Variants in BTBD1 observed in about 807,000 individuals in gnomAD.
BTBD1 encodes BTB/POZ domain-containing protein 1.
BTBD1 carries 34 observed loss-of-function variants against 48.0 expected under a neutral mutation model. The observed-to-expected ratio is 0.71, with a 90% CI of 0.54 to 0.94. The LOEUF is 0.94. Ranked by LOEUF, BTBD1 falls within the 40% of genes least tolerant of loss-of-function variation. The pLI is 0.00. For synonymous variants in BTBD1, 261 were observed against 242.1 expected, an observed-to-expected ratio of 1.08 and a Z score of -0.72; for missense variants, 543 against 625.6, an observed-to-expected ratio of 0.87 and a Z score of 1.41.
At position 83,020,711 on chromosome 15, in the gene BTBD1, A is replaced by G. The variant is rs2032277553; in HGVS notation, c.1107T>C (p.Ser369=). 1.2e-6 allele frequency: 2 copies of G among 1,608,772 alleles called. No individual in the cohort carries two copies. The highest frequency in any genetic ancestry group is 1.7e-5 in the Admixed American group (1 of 59,924). Reference sequence around the variant, plus strand: ...CTTGATAATCTGTAGGGCCATGAATAGATCCATACAAGCCAAATCCAACTA... The same window carrying G: ...CTTGATAATCTGTAGGGCCATGAATGGATCCATACAAGCCAAATCCAACTA... ...ISIVGFGLYG[S]IHGPTDYQVN... The change falls in exon 6 of 8, where the codon TCT becomes TCC. Residue 369 remains serine, a synonymous_variant. Coordinates refer to ENST00000261721, the MANE Select transcript of BTBD1 (RefSeq NM_025238.4).
At position 83,018,803 on chromosome 15, in the gene BTBD1, A is replaced by C. The variant is rs1379986628; in HGVS notation, c.1194T>G (p.Phe398Leu). 6.2e-7 allele frequency: 1 copy of C among 1,614,080 alleles called. No individual in the cohort carries two copies. The highest frequency in any genetic ancestry group is 1.6e-4 in the Middle Eastern group (1 of 6,062). ...ATGTGTTAGCTGTCCCATCACAACTAAAGCCGGTATCATTCTGTCCCAGGG... is the reference window on the plus strand; with the variant it reads ...ATGTGTTAGCTGTCCCATCACAACTCAAGCCGGTATCATTCTGTCCCAGGG... ...KQTLGQNDTG[F>L]SCDGTANTFR... Residue 398 changes from phenylalanine (F) to leucine (L), a missense_variant, in exon 7 of 8, where the codon TTT becomes TTG. Physicochemically the swap from Phe to Leu is conservative, Grantham distance 22 (BLOSUM62 0). This residue lies in a region of BTBD1 where 300 missense variants were observed against 350.0 expected (regional missense o/e 0.86). Transcript: ENST00000261721.
At chr15:83,032,969 C>CAAAAAAAAAAAAAAAAAAAAAAAAAAA (rs56152195) in intron 4 of BTBD1, among the ~76,000 whole-genome samples, 7 of 86,996 alleles carry the variant, frequency 8.0e-5, no homozygotes, top group African/African-American at 3.5e-4. Flanking sequence ...TACTCTGTCT[C>CAAAAAAAAAAAAAAAAAAAAAAAAAAA]AAAAAAAAAA....
intron 5 of BTBD1, 67 bp downstream of exon 5, chr15:83,030,069 A>G: frequency 7.5e-7 from 1 of 1,334,146 alleles, no homozygotes; most frequent in Non-Finnish European, 1.1e-6. Flanking sequence ...CTCCCATAAT[A>G]TATAAAAAAG....
intron 5 of BTBD1, among the ~76,000 whole-genome samples, chr15:83,023,931 G>A (rs2032351647): frequency 6.6e-6 from 1 of 151,970 alleles, no homozygotes; most frequent in African/African-American, 2.4e-5. Flanking sequence ...GCAATGGCAC[G>A]ATCTCGGCTC....
intron 5 of BTBD1, among the ~76,000 whole-genome samples, chr15:83,022,837 C>T (rs996561541): frequency 2.8e-5 from 4 of 145,022 alleles, no homozygotes; most frequent in African/African-American, 9.8e-5. Context: ...TGGTGTGCAC[C>T]GTAGTCCCAG....
At chr15:83,022,899 G>T (rs1187379665) in intron 5 of BTBD1, among the ~76,000 whole-genome samples, 1 of 151,932 alleles carries the variant, frequency 6.6e-6, no homozygotes, top group African/African-American at 2.4e-5. Context: ...GGCAGAGATT[G>T]CAGTGAGCCA....
intron 1 of BTBD1, among the ~76,000 whole-genome samples, chr15:83,066,117 C>A (rs2033264227): frequency 6.6e-6 from 1 of 152,070 alleles, no homozygotes; most frequent in Non-Finnish European, 1.5e-5. Flanking sequence ...CATAGTGAAA[C>A]CCTCTCTCTA....
intron 4 of BTBD1, among the ~76,000 whole-genome samples, chr15:83,038,957 T>C (rs2032684148): frequency 6.6e-6 from 1 of 152,176 alleles, no homozygotes; most frequent in South Asian, 2.1e-4. Flanking sequence ...AATACTTTTC[T>C]GGACACTGGC....
chr15:83,056,012 C>T (rs909542619), intron 2 of BTBD1, among the ~76,000 whole-genome samples: 1 of 152,044 alleles, frequency 6.6e-6, no homozygotes, highest in Non-Finnish European at 1.5e-5. Context: ...CCAATTCAAG[C>T]GATTCTTCTG....
chr15:83,042,348 T>TTATATATATATATG (rs2032777843), intron 3 of BTBD1, among the ~76,000 whole-genome samples: 1 of 109,896 alleles, frequency 9.1e-6, no homozygotes, highest in Non-Finnish European at 1.8e-5. Flanking sequence ...TTAGGCAATT[T>TTATATATATATATG]TATATATATA....
chr15:83,034,027 G>A (rs1030320327), intron 4 of BTBD1, among the ~76,000 whole-genome samples: 18 of 150,664 alleles, frequency 1.2e-4, no homozygotes, highest in African/African-American at 4.1e-4. Flanking sequence ...GGTTGACGCT[G>A]GAGTAAGCTG....
chr15:83,034,087 C>T (rs1410447060), intron 4 of BTBD1, among the ~76,000 whole-genome samples: 1 of 93,418 alleles, frequency 1.1e-5, no homozygotes, highest in Non-Finnish European at 2.1e-5. Context: ...ACACTGTCTA[C>T]ACCAAAAAAA....
chr15:83,026,517 C>CTTTTT (rs563990083), intron 5 of BTBD1, among the ~76,000 whole-genome samples: 8 of 88,282 alleles, frequency 9.1e-5, no homozygotes, highest in Non-Finnish European at 1.4e-4. Flanking sequence ...TTTTTTAGTG[C>CTTTTT]TTTTTTTTTT....
In BTBD1 at chr15:83,067,163, G is replaced by T. The variant is rs747654398; in HGVS notation, c.-12C>A. On this transcript the variant is annotated 5_prime_UTR_variant, in exon 1 of 8. Transcript: ENST00000261721. ...CCGAGTGAGGCCATCCTCCAGCTGC[G>T]CGGTTGCCCACGTTATGGACAAAAC... 1.1e-5 allele frequency: 15 copies of T among 1,416,390 alleles called. No homozygotes were observed. Among genetic ancestry groups the T allele is most frequent in the Non-Finnish European group, 1.4e-5 (15 of 1,090,384 alleles). The allele number at this position is 1,416,390 out of a possible 1,614,324, so 87.7% of individuals were successfully genotyped here. A position where few individuals can be genotyped will look rare whatever the true frequency, so the allele number is the denominator to read the frequency against.
chr15:83,064,591 T>C (rs1429183258), intron 1 of BTBD1, among the ~76,000 whole-genome samples: 1 of 152,064 alleles, frequency 6.6e-6, no homozygotes, highest in East Asian at 1.9e-4. Context: ...TGCCCCAAAA[T>C]AGTTTTAGAT....
In BTBD1 at chr15:83,066,985, T is replaced by C; in HGVS notation, c.167A>G (p.Lys56Arg). 1 of 1,584,414 alleles carries C rather than the reference T, an allele frequency of 6.3e-7. No individual in the cohort carries two copies. The highest frequency in any genetic ancestry group is 8.6e-7 in the Non-Finnish European group (1 of 1,167,454). Residue 56 changes from lysine to arginine, a missense_variant, in exon 1 of 8, where the codon AAG (lysine) becomes AGG (arginine). Physicochemically the swap from Lys to Arg is conservative, Grantham distance 26. Around this residue, in one of 3 missense-constraint regions of BTBD1, gnomAD observed 173 missense variants for 163.9 expected, o/e 1.06. Coordinates refer to ENST00000261721, the MANE Select transcript of BTBD1 (RefSeq NM_025238.4). ...YNWQATKASLKERFAFLFNSE... is the reference protein window; with the variant it reads ...YNWQATKASLRERFAFLFNSE... ...GTTGAAGAGGAAGGCGAAGCGCTCC[T>C]TCAGCGACGCCTTGGTCGCCTGCCA...
rs140829331 is a variant in BTBD1, at chr15:83,057,113, T to C, written c.402-568A>G. On this transcript the variant is annotated intron_variant, in intron 1 of 7. Transcript: ENST00000261721. ...TACCATTTGTTGAGTGTCTGCCGTATGACAAATGCCAATTCATTTAATCCT... is the reference window on the plus strand; with the variant it reads ...TACCATTTGTTGAGTGTCTGCCGTACGACAAATGCCAATTCATTTAATCCT... Among the ~76,000 whole-genome samples, 604 of 152,326 alleles carry C rather than the reference T, an allele frequency of 4.0e-3. 4 individuals are homozygous for C. The highest frequency in any genetic ancestry group is 9.8e-3 in the African/African-American group (407 of 41,576).
chr15:83,049,559 A>G (rs2032938676), intron 3 of BTBD1, among the ~76,000 whole-genome samples: 1 of 152,098 alleles, frequency 6.6e-6, no homozygotes, highest in African/African-American at 2.4e-5. Flanking sequence ...TAGAAAAGAT[A>G]GAAATCACAT....
rs752660457 is a variant in BTBD1, at chr15:83,041,772, G to C, written c.818C>G (p.Ser273Cys). The change falls in exon 4 of 8, where the codon TCC becomes TGC. Residue 273 changes from serine to cysteine, a missense_variant. By Grantham distance (112) the Ser-to-Cys change is moderately radical. Transcript: ENST00000261721. The part of the protein sequence containing the change: ...NKQKVLGKAL[S>C]LIRFPLMTIE... ...TGTCATCAGTGGGAACCGGATTAAG[G>C]AAAGTGCTTTTCCTAGAACTTTTTG... 8 of 1,614,036 alleles carry C rather than the reference G, an allele frequency of 5.0e-6. No homozygotes were observed. The highest frequency in any genetic ancestry group is 6.8e-6 in the Non-Finnish European group (8 of 1,180,032).
Sources: gnomAD v4.1 joint callset for allele counts (sites outside exome capture counted in the v4.1 genomes callset) on GRCh38, gnomAD v4.1.1 for gene constraint, gnomAD v4.1.1 regional missense constraint, MANE v1.5 for transcripts, NCBI Gene and HGNC (gene_info 2026-07-23, HGNC 2026-07-21) for gene names.